PPHLN1: variants seen among roughly 807,000 people sequenced by gnomAD.
PPHLN1 encodes periphilin 1.
PPHLN1 carries 29 observed loss-of-function variants against 51.3 expected under a neutral mutation model. The observed-to-expected ratio is 0.57, with a 90% CI of 0.42 to 0.77. The LOEUF is 0.77. Ranked by LOEUF, PPHLN1 falls within the 30% of genes least tolerant of loss-of-function variation. The probability of loss-of-function intolerance (pLI) is 0.00; values close to 1 mark genes in which losing one functional copy is unlikely to be tolerated. For synonymous variants in PPHLN1, 147 were observed against 147.8 expected (o/e 0.99, Z 0.04); for missense variants, 436 against 438.4 (o/e 0.99, Z 0.05).
At chr12:42,410,879 GGAAA>G (rs1168776439) in intron 9 of PPHLN1, among the ~76,000 whole-genome samples, 10 of 152,016 alleles carry the variant, frequency 6.6e-5, no homozygotes, top group Admixed American at 2.6e-4. Flanking sequence ...ACCTGAATTG[GGAAA>G]GAAAGAAATT....
chr12:42,417,937 TTTTTTG>T (rs1565989118), intron 9 of PPHLN1, among the ~76,000 whole-genome samples: 10 of 49,390 alleles, frequency 2.0e-4, no homozygotes, highest in East Asian at 5.9e-4. Flanking sequence ...TTTTTGTTTT[TTTTTTG>T]TTTTTTTTTT....
intron 2 of PPHLN1, among the ~76,000 whole-genome samples, chr12:42,336,293 G>A (rs1486549204): frequency 1.3e-5 from 2 of 152,146 alleles, no homozygotes; most frequent in East Asian, 3.8e-4. Flanking sequence ...TTGAGTACCT[G>A]CTCCTGCTGT....
intron 4 of PPHLN1, among the ~76,000 whole-genome samples, chr12:42,356,358 T>A (rs1055157855): frequency 6.6e-6 from 1 of 152,222 alleles, no homozygotes; most frequent in African/African-American, 2.4e-5. Flanking sequence ...AGATGGTGAC[T>A]GTGCACACAG....
chr12:42,375,858 G>A (rs73272008), intron 5 of PPHLN1, among the ~76,000 whole-genome samples: 5,043 of 152,194 alleles, frequency 0.033, 280 homozygotes, highest in African/African-American at 0.11. Context: ...CTGCAGTAGA[G>A]CTCGTTCACA....
chr12:42,355,035 G>A, intron 3 of PPHLN1, 126 bp from the exon 4 acceptor site: 2 of 771,030 alleles, frequency 2.6e-6, no homozygotes, highest in South Asian at 1.5e-5. Flanking sequence ...CTTGCTGAAT[G>A]TTTTTCCCTT....
intron 8 of PPHLN1, among the ~76,000 whole-genome samples, 164 bp downstream of exon 8, chr12:42,393,853 C>G (rs574169135): frequency 6.6e-6 from 1 of 152,232 alleles, no homozygotes; most frequent in South Asian, 2.1e-4. Context: ...ATGAATGACT[C>G]TGAATTCAGT....
chr12:42,375,130 A>G, intron 5 of PPHLN1, 56 bp downstream of exon 5: 5 of 1,305,976 alleles, frequency 3.8e-6, no homozygotes, highest in Non-Finnish European at 4.2e-6. Flanking sequence ...ATGAGAATGT[A>G]CTGAGTCAGA....
intron 2 of PPHLN1, among the ~76,000 whole-genome samples, chr12:42,344,618 AT>A (rs2071993231): frequency 6.6e-6 from 1 of 152,144 alleles, no homozygotes; most frequent in Admixed American, 6.5e-5. Flanking sequence ...GTAAATTTTA[AT>A]GACATATTGG....
chr12:42,332,738 A>G, intron 1 of PPHLN1: 1 of 1,276,388 alleles, frequency 7.8e-7, no homozygotes, highest in Non-Finnish European at 1.1e-6. Context: ...TATAGTAGTT[A>G]TTGTTACATT....
intron 9 of PPHLN1, among the ~76,000 whole-genome samples, chr12:42,420,704 CCTCT>C (rs200397432): frequency 3.6e-5 from 4 of 110,326 alleles, no homozygotes; most frequent in Admixed American, 1.0e-4. Flanking sequence ...CCCCTCCCTC[CCTCT>C]CTCTCTCTCT....
intron 2 of PPHLN1, among the ~76,000 whole-genome samples, chr12:42,350,734 G>C (rs905086425): frequency 1.3e-5 from 2 of 152,126 alleles, no homozygotes; most frequent in Non-Finnish European, 1.5e-5. Context: ...AGGCTGAGGC[G>C]GGCAGATCAC....
chr12:42,353,073 A>G (rs1000011390), intron 3 of PPHLN1, among the ~76,000 whole-genome samples: 1 of 149,534 alleles, frequency 6.7e-6, no homozygotes, highest in Admixed American at 6.7e-5. Flanking sequence ...TGGGCGATAG[A>G]GCGAGACTTT....
intron 1 of PPHLN1, among the ~76,000 whole-genome samples, chr12:42,330,192 C>T (rs2069483254): frequency 6.6e-6 from 1 of 152,226 alleles, no homozygotes. Flanking sequence ...TCGCCTCCAG[C>T]CACAGGGTGG....
intron 7 of PPHLN1, 65 bp downstream of exon 7, chr12:42,387,600 G>A: frequency 6.5e-7 from 1 of 1,539,446 alleles, no homozygotes; most frequent in South Asian, 1.3e-5. Flanking sequence ...GACTAGTACA[G>A]ATGCTTTTAT....
At chr12:42,444,019 C>G (rs911269410), downstream of PPHLN1, 1 of 152,154 alleles carries the variant, frequency 6.6e-6, no homozygotes, top group Non-Finnish European at 1.5e-5. Flanking sequence ...AAAGAATATC[C>G]TAGTTGCAAG....
chr12:42,351,965 A>G lies in PPHLN1; in HGVS notation c.153A>G (p.Arg51=). ...GACCTGGTGAAGGAAGCTACAATAG[A>G]TATTACAGTCATGTTGATTACCGAG... ...LDRPGEGSYN[R]YYSHVDYRDY... Residue 51 remains arginine, a synonymous_variant, in exon 3 of 10, where the codon AGA becomes AGG. Transcript: ENST00000358314. The G allele has an allele frequency of 2.5e-6, 4 of 1,582,902 alleles. No individual in the cohort carries two copies. Among genetic ancestry groups the G allele is most frequent in the Non-Finnish European group, 8.6e-7 (1 of 1,169,242 alleles).
chr12:42,376,684 A>G (rs1418011635), intron 5 of PPHLN1, among the ~76,000 whole-genome samples: 1 of 152,182 alleles, frequency 6.6e-6, no homozygotes, highest in Non-Finnish European at 1.5e-5. Context: ...TCAGCTACTC[A>G]GAAGGCTGAG....
intron 9 of PPHLN1, among the ~76,000 whole-genome samples, chr12:42,427,330 GAA>G (rs1257218483): frequency 2.0e-5 from 3 of 152,090 alleles, no homozygotes; most frequent in Non-Finnish European, 2.9e-5. Flanking sequence ...TAAGCAAAAA[GAA>G]AAGTCTGGAG....
downstream of PPHLN1, chr12:42,443,515 C>G (rs981811133): frequency 6.6e-6 from 1 of 152,174 alleles, no homozygotes; most frequent in African/African-American, 2.4e-5. Context: ...AGTACCTCCC[C>G]TGGAGGACAG....
Sources: allele counts gnomAD v4.1 joint callset (sites outside exome capture counted in the v4.1 genomes callset), GRCh38; gene constraint gnomAD v4.1.1; transcripts MANE v1.5; gene names NCBI Gene and HGNC (gene_info 2026-07-23, HGNC 2026-07-21).